CFAP20DC: variants seen among roughly 807,000 people sequenced by gnomAD.
The protein encoded by CFAP20DC is protein CFAP20DC.
Under a neutral mutation model 101.7 loss-of-function variants are expected in CFAP20DC, and 84 were observed. The ratio of observed to expected loss-of-function variants is 0.83; its 90% CI spans 0.69 to 0.99. The LOEUF is 0.99. Among genes scored for constraint, CFAP20DC ranks in the 50% least tolerant of loss-of-function variants. The pLI is 0.00. For synonymous variants in CFAP20DC, 359 were observed against 351.2 expected, an observed-to-expected ratio of 1.02 and a Z score of -0.25; for missense variants, 1,007 against 970.3, an observed-to-expected ratio of 1.04 and a Z score of -0.50.
intron 14 of CFAP20DC, among the ~76,000 whole-genome samples, chr3:58,809,288 C>A (rs530400335): frequency 2.6e-5 from 4 of 152,134 alleles, no homozygotes; most frequent in Admixed American, 6.5e-5. Flanking sequence ...CCAAAATTGA[C>A]CCCATACTGG....
chr3:58,999,843 T>TAAAA (rs565894929), intron 4 of CFAP20DC, among the ~76,000 whole-genome samples: 9 of 76,784 alleles, frequency 1.2e-4, no homozygotes, highest in African/African-American at 1.8e-4. Context: ...GTCACTAATG[T>TAAAA]AAAAAAAAAA....
chr3:58,772,067 C>T (rs1231835266), intron 15 of CFAP20DC, among the ~76,000 whole-genome samples: 3 of 152,148 alleles, frequency 2.0e-5, no homozygotes, highest in African/African-American at 7.2e-5. Context: ...AAAGTCTTTC[C>T]TCCCCTTCAC....
At chr3:58,870,890 G>A (rs1335531436) in intron 7 of CFAP20DC, among the ~76,000 whole-genome samples, 3 of 62,334 alleles carry the variant, frequency 4.8e-5, no homozygotes, top group Non-Finnish European at 7.9e-5. Flanking sequence ...GCGAGACTCC[G>A]TCTCAAAAAA....
intron 6 of CFAP20DC, among the ~76,000 whole-genome samples, chr3:58,909,836 T>C (rs1164259670): frequency 6.6e-6 from 1 of 152,158 alleles, no homozygotes; most frequent in Non-Finnish European, 1.5e-5. Context: ...CATCTAAGTA[T>C]TAAGCCCAGC....
chr3:58,825,333 G>A (rs2075967360), intron 14 of CFAP20DC, among the ~76,000 whole-genome samples: 1 of 152,076 alleles, frequency 6.6e-6, no homozygotes, highest in South Asian at 2.1e-4. Context: ...TAAGCACCAG[G>A]CACATGCATT....
At chr3:58,904,494 C>T (rs762861022) in intron 6 of CFAP20DC, among the ~76,000 whole-genome samples, 1 of 152,060 alleles carries the variant, frequency 6.6e-6, no homozygotes, top group Non-Finnish European at 1.5e-5. Context: ...ATCTCCACTA[C>T]AGGAAGGTAT....
At chr3:58,879,045 C>T (rs2081019065) in intron 7 of CFAP20DC, among the ~76,000 whole-genome samples, 1 of 151,394 alleles carries the variant, frequency 6.6e-6, no homozygotes, top group East Asian at 1.9e-4. Flanking sequence ...ACCTCTGAAA[C>T]CAGCCTGCCT....
At chr3:58,961,320 A>G (rs1431415180) in intron 4 of CFAP20DC, among the ~76,000 whole-genome samples, 3 of 152,112 alleles carry the variant, frequency 2.0e-5, no homozygotes, top group Non-Finnish European at 4.4e-5. Context: ...TTGGGAGGCC[A>G]AGGTGGGTGG....
intron 13 of CFAP20DC, 53 bp downstream of exon 13, chr3:58,848,979 G>C (rs1479983531): frequency 1.3e-6 from 2 of 1,504,490 alleles, no homozygotes; most frequent in African/African-American, 1.4e-5. Context: ...GAACAGAACG[G>C]AACACAGCAG....
intron 16 of CFAP20DC, among the ~76,000 whole-genome samples, chr3:58,751,042 T>TA (rs958893463): frequency 1.3e-5 from 2 of 151,798 alleles, no homozygotes; most frequent in South Asian, 2.1e-4. Context: ...ACGCTTGTAA[T>TA]AAAAAAAAGG....
chr3:58,833,663 AG>A (rs1387620939), intron 13 of CFAP20DC, among the ~76,000 whole-genome samples: 3 of 152,212 alleles, frequency 2.0e-5, no homozygotes, highest in African/African-American at 7.2e-5. Context: ...ACAGTTTGGC[AG>A]TTCCTCAAAA....
At chr3:58,807,486 A>T (rs1254106286) in intron 14 of CFAP20DC, among the ~76,000 whole-genome samples, 1 of 152,230 alleles carries the variant, frequency 6.6e-6, no homozygotes, top group Non-Finnish European at 1.5e-5. Flanking sequence ...GCAAACTCCA[A>T]CAGACCTGCA....
intron 1 of CFAP20DC, 118 bp from the exon 2 acceptor site, chr3:59,047,372 T>G: frequency 1.5e-6 from 1 of 653,796 alleles, no homozygotes; most frequent in Non-Finnish European, 2.6e-6. Flanking sequence ...GATGAAACAT[T>G]CTCCCTGTTA....
rs547933463 is a variant in CFAP20DC at position 58,857,817 on chromosome 3, G to A, written c.1593+5741C>T. ...AGTACAGTATTTATTAGGAGTGGGT[G>A]CACTGGCATAACCCTATTCCTCTCT... On this transcript the variant is annotated intron_variant, in intron 12 of 16. Coordinates refer to ENST00000482387, the MANE Select transcript of CFAP20DC (RefSeq NM_001394063.1). 1.7e-4 allele frequency among the ~76,000 whole-genome samples: 26 copies of A among 152,268 alleles called. 1 individual carries two copies. Among genetic ancestry groups the A allele is most frequent in the Middle Eastern group, 6.8e-3 (2 of 294 alleles).
chr3:58,758,308 T>G (rs1023054342), intron 15 of CFAP20DC, among the ~76,000 whole-genome samples: 1 of 152,276 alleles, frequency 6.6e-6, no homozygotes, highest in East Asian at 1.9e-4. Context: ...TAAACCTCCA[T>G]GCTTTCCCCT....
intron 4 of CFAP20DC, among the ~76,000 whole-genome samples, chr3:58,977,748 G>T (rs1316416625): frequency 3.3e-5 from 5 of 151,662 alleles, no homozygotes; most frequent in African/African-American, 1.2e-4. Context: ...AAAAAAAAGT[G>T]GGAGGAAAGG....
rs1452485725 is a variant in CFAP20DC, at chr3:59,004,105, C to T, written c.278+35452G>A. Among the ~76,000 whole-genome samples the T allele has an allele frequency of 2.0e-5, 3 of 152,050 alleles. No homozygotes were observed. The East Asian group carries it at 5.8e-4, about 29-fold the overall frequency. Reference sequence around the variant, plus strand: ...ATGAGGTGCTGATCCAGTTTTAGGACAAGGGGGTCAAGCTAGAAAGAGAAA... The same window carrying T: ...ATGAGGTGCTGATCCAGTTTTAGGATAAGGGGGTCAAGCTAGAAAGAGAAA... On this transcript the variant is annotated intron_variant, in intron 4 of 16. Transcript: ENST00000482387.
At chr3:58,828,248 AATG>A (rs1377131341) in intron 14 of CFAP20DC, among the ~76,000 whole-genome samples, 6 of 152,170 alleles carry the variant, frequency 3.9e-5, no homozygotes, top group Non-Finnish European at 7.3e-5. Flanking sequence ...TGTGAATAAT[AATG>A]ATAATAATAA....
At chr3:58,848,567 G>A (rs778928430) in intron 13 of CFAP20DC, among the ~76,000 whole-genome samples, 2 of 152,136 alleles carry the variant, frequency 1.3e-5, no homozygotes, top group African/African-American at 2.4e-5. Flanking sequence ...CGATGACACT[G>A]TTTTAATGTT....
Sources: gnomAD v4.1 joint callset for allele counts (sites outside exome capture counted in the v4.1 genomes callset) on GRCh38, gnomAD v4.1.1 for gene constraint, MANE v1.5 for transcripts, NCBI Gene and HGNC (gene_info 2026-07-23, HGNC 2026-07-21) for gene names.